Variants in CHCHD6 observed in about 807,000 individuals in gnomAD.
CHCHD6 encodes coiled-coil-helix-coiled-coil-helix domain containing 6, also known as MICOS complex subunit MIC25.
CHCHD6 carries 28 observed loss-of-function variants against 32.3 expected under a neutral mutation model. That is an observed-to-expected ratio of 0.87 (90% CI 0.64 to 1.19). The LOEUF (loss-of-function observed/expected upper bound fraction) is 1.19, where lower values mean the gene tolerates loss of function less well. Ranked by LOEUF, CHCHD6 falls within the 50% of genes most tolerant of loss-of-function variation. The pLI is 0.00. For synonymous variants in CHCHD6, 122 were observed against 117.5 expected, an observed-to-expected ratio of 1.04 and a Z score of -0.25; for missense variants, 333 against 307.0, an observed-to-expected ratio of 1.08 and a Z score of -0.63.
At chr3:126,779,332 T>C (rs1422558339) in intron 4 of CHCHD6, among the ~76,000 whole-genome samples, 1 of 151,586 alleles carries the variant, frequency 6.6e-6, no homozygotes, top group Admixed American at 6.6e-5. Flanking sequence ...AGGTCAGGAG[T>C]TTGAGACCAG....
chr3:126,863,306 C>T (rs1942031654), intron 5 of CHCHD6, among the ~76,000 whole-genome samples: 1 of 141,796 alleles, frequency 7.1e-6, no homozygotes, highest in African/African-American at 2.7e-5. Context: ...TCCTCCTCCT[C>T]CTCCTCCATC....
chr3:126,956,328 G>T (rs2078782632), intron 6 of CHCHD6, among the ~76,000 whole-genome samples: 1 of 152,206 alleles, frequency 6.6e-6, no homozygotes, highest in Admixed American at 6.5e-5. Context: ...AGCTGGGAAG[G>T]GTCCTGGCCT....
chr3:126,780,509 C>A (rs1490133126), intron 4 of CHCHD6: 3 of 195,776 alleles, frequency 1.5e-5, no homozygotes, highest in South Asian at 7.9e-5. Flanking sequence ...TCTGTACTTT[C>A]TTTTCCCTGT....
intron 4 of CHCHD6, among the ~76,000 whole-genome samples, chr3:126,823,639 T>C (rs1164102327): frequency 6.6e-6 from 1 of 152,238 alleles, no homozygotes; most frequent in Non-Finnish European, 1.5e-5. Flanking sequence ...TCATGTCATC[T>C]AAAAGTCCTA....
chr3:126,840,588 A>C (rs372023191), intron 4 of CHCHD6, among the ~76,000 whole-genome samples: 5 of 152,282 alleles, frequency 3.3e-5, no homozygotes, highest in Admixed American at 1.3e-4. Context: ...TCTCAAAGTT[A>C]TATTTGTCCT....
chr3:126,719,042 C>T (rs931841810), intron 1 of CHCHD6, among the ~76,000 whole-genome samples: 1 of 152,152 alleles, frequency 6.6e-6, no homozygotes, highest in Non-Finnish European at 1.5e-5. Context: ...AAATCTTAGC[C>T]TCCCACTCAC....
intron 4 of CHCHD6, among the ~76,000 whole-genome samples, chr3:126,839,005 C>T (rs1284333151): frequency 6.6e-6 from 1 of 151,454 alleles, no homozygotes; most frequent in African/African-American, 2.4e-5. Context: ...CCTCCTGCCT[C>T]AGCCACCTGA....
intron 4 of CHCHD6, among the ~76,000 whole-genome samples, chr3:126,751,961 G>A (rs1310530330): frequency 1.3e-5 from 2 of 152,194 alleles, no homozygotes; most frequent in African/African-American, 4.8e-5. Context: ...CTGGGACACG[G>A]CCTCATGCAT....
At chr3:126,759,154 T>C (rs1419865264) in intron 4 of CHCHD6, among the ~76,000 whole-genome samples, 4 of 152,202 alleles carry the variant, frequency 2.6e-5, no homozygotes, top group Admixed American at 2.0e-4. Flanking sequence ...TGTAATCCAG[T>C]GGTTAGCCCT....
chr3:126,885,748 T>C (rs897031715), intron 5 of CHCHD6, among the ~76,000 whole-genome samples: 1 of 152,232 alleles, frequency 6.6e-6, no homozygotes, highest in Non-Finnish European at 1.5e-5. Context: ...AAAGTGACTG[T>C]CCTGTTATTA....
intron 1 of CHCHD6, among the ~76,000 whole-genome samples, chr3:126,718,735 T>C (rs1935139622): frequency 6.6e-6 from 1 of 152,226 alleles, no homozygotes; most frequent in Non-Finnish European, 1.5e-5. Context: ...TGGCCAGCTC[T>C]GATGGCACTG....
At chr3:126,826,374 T>A (rs908736624) in intron 4 of CHCHD6, among the ~76,000 whole-genome samples, 5 of 152,218 alleles carry the variant, frequency 3.3e-5, no homozygotes, top group Non-Finnish European at 7.4e-5. Flanking sequence ...ATTGTGAGTA[T>A]TTGGACAGCA....
intron 6 of CHCHD6, among the ~76,000 whole-genome samples, chr3:126,928,395 C>T (rs553505245): frequency 1.3e-5 from 2 of 152,284 alleles, no homozygotes; most frequent in East Asian, 3.9e-4. Flanking sequence ...CTCCACCCAC[C>T]ACCATCACAG....
chr3:126,726,038 A>T lies in CHCHD6; in HGVS notation c.88-1040A>T, dbSNP rs141928190. The stretch of plus-strand genomic sequence containing the variant: ...AGGAGTAGCACATGTAACTTCTTTC[A>T]ACAACTTTTCCTAACTTGGCTAACT... On this transcript the variant is annotated intron_variant, in intron 1 of 7. Transcript: ENST00000290913. Among the ~76,000 whole-genome samples the T allele has an allele frequency of 2.9e-3, 444 of 152,296 alleles. 4 individuals carry two copies. Among genetic ancestry groups the T allele is most frequent in the African/African-American group, 0.01 (427 of 41,562 alleles).
chr3:126,730,185 G>A (rs1935725955), intron 2 of CHCHD6, among the ~76,000 whole-genome samples: 1 of 152,138 alleles, frequency 6.6e-6, no homozygotes, highest in African/African-American at 2.4e-5. Context: ...CCTCTACCCG[G>A]GAGGTTGTCC....
At chr3:126,946,800 A>G (rs1377911151) in intron 6 of CHCHD6, among the ~76,000 whole-genome samples, 19 of 152,194 alleles carry the variant, frequency 1.2e-4, no homozygotes, top group Non-Finnish European at 1.3e-4. Context: ...ATTCACTCGG[A>G]ATCTCCTTAC....
intron 5 of CHCHD6, among the ~76,000 whole-genome samples, chr3:126,863,535 CT>C (rs1942056881): frequency 7.1e-6 from 1 of 140,546 alleles, no homozygotes; most frequent in African/African-American, 2.7e-5. Context: ...TCACCACCTC[CT>C]CCTCCTCCAC....
At chr3:126,951,601 C>G (rs567097649) in intron 6 of CHCHD6, among the ~76,000 whole-genome samples, 3 of 152,192 alleles carry the variant, frequency 2.0e-5, no homozygotes, top group Non-Finnish European at 4.4e-5. Flanking sequence ...GGGTCTCTAG[C>G]TAGTTATGGG....
chr3:126,755,837 C>CGTGTGT (rs1559825161), intron 4 of CHCHD6, among the ~76,000 whole-genome samples: 2 of 128,764 alleles, frequency 1.6e-5, no homozygotes, highest in Admixed American at 7.5e-5. Context: ...TCTGTGTGTG[C>CGTGTGT]ATGTGTGTGT....
Sources: allele counts gnomAD v4.1 joint callset (sites outside exome capture counted in the v4.1 genomes callset), GRCh38; gene constraint gnomAD v4.1.1; transcripts MANE v1.5; gene names NCBI Gene and HGNC (gene_info 2026-07-23, HGNC 2026-07-21).